The following NOD2 variants were observed in gnomAD, a reference collection of about 807,000 sequenced individuals.
The protein encoded by NOD2 is nucleotide binding oligomerization domain containing 2.
In NOD2, 86 loss-of-function variants were observed where a neutral mutation model predicts 90.9. That is an observed-to-expected ratio of 0.95 (90% CI 0.79 to 1.13). The LOEUF (loss-of-function observed/expected upper bound fraction) is 1.13. Among genes scored for constraint, NOD2 ranks in the 50% most tolerant of loss-of-function variants. The pLI, the probability that NOD2 is intolerant of heterozygous loss-of-function variation, is 0.00. For missense variants in NOD2, 1,238 were observed against 1,283.8 expected, an observed-to-expected ratio of 0.96 and a Z score of 0.55; for synonymous variants, 581 against 554.6, an observed-to-expected ratio of 1.05 and a Z score of -0.67.
intron 1 of NOD2, 121 bp downstream of exon 1, chr16:50,693,783 G>T (rs949488478): frequency 6.6e-6 from 1 of 152,280 alleles, no homozygotes; most frequent in Non-Finnish European, 1.5e-5. Context: ...CTTGGGCAAG[G>T]GTTGCCTCGG....
rs1433384940 is a variant in NOD2, at chr16:50,730,383, C to G, written c.2969+482C>G. 2.0e-5 allele frequency among the ~76,000 whole-genome samples: 3 copies of G among 152,198 alleles called. No homozygotes were observed. In the East Asian group the frequency reaches 5.8e-4, roughly 29 times the overall value. ...GCAAGAATTGCATTCTTGACAGATT[C>G]TTTCATTGCCTTAAAAAGAATGACT... On this transcript the variant is annotated intron_variant, in intron 11 of 11. Coordinates refer to ENST00000647318, the MANE Select transcript of NOD2 (RefSeq NM_001370466.1).
chr16:50,702,799 TGGGAAGCGGC>T (rs1461823830), intron 2 of NOD2, among the ~76,000 whole-genome samples: 1 of 152,246 alleles, frequency 6.6e-6, no homozygotes, highest in Non-Finnish European at 1.5e-5. Flanking sequence ...ATCGCCCATC[TGGGAAGCGGC>T]CCAGCTAGAA....
At chr16:50,730,499 G>A (rs1013112945) in intron 11 of NOD2, among the ~76,000 whole-genome samples, 3 of 152,126 alleles carry the variant, frequency 2.0e-5, no homozygotes, top group African/African-American at 7.2e-5. Flanking sequence ...TTGTTTCCAG[G>A]GATCTATTTC....
In NOD2 at chr16:50,711,141, T is replaced by G; in HGVS notation, c.1149T>G (p.Leu383=). 6.2e-7 allele frequency: 1 copy of G among 1,614,120 alleles called. No homozygotes were observed. ...PTSVQTLLFN[L]LQGNLLKNAR... is the part of the protein sequence containing the mutation. ...CTGTCCAGACCCTGCTCTTCAACCT[T>G]CTGCAGGGCAACCTGCTGAAGAATG... The change falls in exon 4 of 12, where the codon CTT becomes CTG. Residue 383 remains leucine (L), a synonymous_variant. Coordinates refer to ENST00000647318, the MANE Select transcript of NOD2 (RefSeq NM_001370466.1).
chr16:50,719,686 G>T, intron 6 of NOD2: 1 of 651,226 alleles, frequency 1.5e-6, no homozygotes, highest in Non-Finnish European at 2.8e-6. Context: ...CTCCTGCCTG[G>T]AATTGTCACA....
rs578130490 is a variant in NOD2, at chr16:50,724,986, C to G, written c.2802-503C>G. On this transcript the variant is annotated intron_variant, in intron 9 of 11. Transcript: ENST00000647318. The stretch of plus-strand genomic sequence containing the variant: ...TCTCATGATCACAGGATGGCTGCTC[C>G]AGGTGCAGCACTACTTCTGTATTCC... Among the ~76,000 whole-genome samples the G allele has an allele frequency of 1.1e-4, 16 of 152,276 alleles. No individual in the cohort carries two copies. In the South Asian group the frequency reaches 3.3e-3, roughly 32 times the overall value.
At chr16:50,695,556 A>G (rs1293077224) in intron 1 of NOD2, among the ~76,000 whole-genome samples, 1 of 152,104 alleles carries the variant, frequency 6.6e-6, no homozygotes, top group Non-Finnish European at 1.5e-5. Context: ...TCATCACCAT[A>G]TAACTGGTAT....
chr16:50,716,868 T>C, intron 5 of NOD2, 23 bp from the exon 6 acceptor site: 1 of 1,610,998 alleles, frequency 6.2e-7, no homozygotes, highest in African/African-American at 1.3e-5. Context: ...CTTCTGTGTC[T>C]CCTCTCTTCT....
intron 7 of NOD2, 64 bp downstream of exon 7, chr16:50,720,072 G>C (rs1964984580): frequency 2.0e-6 from 3 of 1,477,496 alleles, no homozygotes; most frequent in Non-Finnish European, 2.8e-6. Flanking sequence ...GGATTTAGGG[G>C]CAGGTGAAAC....
chr16:50,696,998 G>A (rs942580685), intron 1 of NOD2: 7 of 578,812 alleles, frequency 1.2e-5, no homozygotes, highest in Non-Finnish European at 6.2e-6. Flanking sequence ...CCCCAGTGGG[G>A]TTTTTCAGTG....
At chr16:50,706,350 A>C (rs890151875) in intron 2 of NOD2, among the ~76,000 whole-genome samples, 3 of 152,202 alleles carry the variant, frequency 2.0e-5, no homozygotes, top group African/African-American at 7.2e-5. Flanking sequence ...TAGGGACGCT[A>C]TTGGGACGTT....
intron 4 of NOD2, among the ~76,000 whole-genome samples, chr16:50,714,985 G>C (rs1936098205): frequency 6.6e-6 from 1 of 152,148 alleles, no homozygotes; most frequent in Non-Finnish European, 1.5e-5. Context: ...GCTCTCTTCT[G>C]TTCTGTTCTA....
intron 7 of NOD2, among the ~76,000 whole-genome samples, chr16:50,720,525 G>T (rs951848976): frequency 6.6e-6 from 1 of 152,158 alleles, no homozygotes; most frequent in East Asian, 1.9e-4. Context: ...CGGAGCTCTT[G>T]CTCCCTGTAG....
rs770963667 is a variant in NOD2, at chr16:50,723,397, G to A, written c.2801+13G>A. On this transcript the variant is annotated intron_variant, in intron 9 of 11. Coordinates refer to ENST00000647318, the MANE Select transcript of NOD2 (RefSeq NM_001370466.1). ...TAGAAGAACTCTGGTGAGTTTGGGGGATTCTCTGCTCTGGGGAAGTGGATC... is the reference window on the plus strand; with the variant it reads ...TAGAAGAACTCTGGTGAGTTTGGGGAATTCTCTGCTCTGGGGAAGTGGATC... 10 of 1,612,268 alleles carry A rather than the reference G, an allele frequency of 6.2e-6. No individual in the cohort carries two copies. The highest frequency in any genetic ancestry group is 8.5e-6 in the Non-Finnish European group (10 of 1,178,504).
intron 11 of NOD2, 48 bp downstream of exon 11, chr16:50,729,949 T>C: frequency 7.0e-7 from 1 of 1,423,508 alleles, no homozygotes; most frequent in Non-Finnish European, 9.9e-7. Flanking sequence ...CCTCAGTTTT[T>C]CTATCTGTAA....
At position 50,707,925 on chromosome 16, in the gene NOD2, A is replaced by G. The variant is rs1964274447; in HGVS notation, c.530A>G (p.Gln177Arg). 1.9e-6 allele frequency: 3 copies of G among 1,613,990 alleles called. No individual in the cohort carries two copies. Among genetic ancestry groups the G allele is most frequent in the Non-Finnish European group, 2.5e-6 (3 of 1,179,844 alleles). Reference sequence around the variant, plus strand: ...GCTGCCTTCCTTCTACAACATGTTCAGGAATTACCAGTCCCATTGGCCCTG... The same window carrying G: ...GCTGCCTTCCTTCTACAACATGTTCGGGAATTACCAGTCCCATTGGCCCTG... ...GLAAFLLQHVQELPVPLALPL... is the reference protein window; with the variant it reads ...GLAAFLLQHVRELPVPLALPL... Residue 177 changes from glutamine to arginine, a missense_variant, in exon 3 of 12, where the codon CAG becomes CGG. Physicochemically the swap from Gln to Arg is conservative, Grantham distance 43. Coordinates refer to ENST00000647318, the MANE Select transcript of NOD2 (RefSeq NM_001370466.1).
chr16:50,698,453 A>G (rs548546997), intron 1 of NOD2, among the ~76,000 whole-genome samples: 1 of 152,336 alleles, frequency 6.6e-6, no homozygotes, highest in African/African-American at 2.4e-5. Context: ...CTTAGTTTGC[A>G]CCGTAATTTT....
At chr16:50,697,482 C>A in intron 1 of NOD2, 1 of 725,382 alleles carries the variant, frequency 1.4e-6, no homozygotes, top group Non-Finnish European at 2.5e-6. Flanking sequence ...AGGACCTGGG[C>A]AGGGTCAATG....
chr16:50,699,721 C>G lies in NOD2; in HGVS notation c.226C>G (p.Leu76Val), dbSNP rs1358340090. Reference protein sequence around the residue: ...WNKGTWACQKLIAAAQEAQAD... With the variant: ...WNKGTWACQKVIAAAQEAQAD... ...TAAGGGTACTTGGGCCTGTCAGAAG[C>G]TCATCGCGGCTGCCCAAGAAGCCCA... The change falls in exon 2 of 12, where the codon CTC (leucine) becomes GTC (valine). Residue 76 changes from leucine (L) to valine (V), a missense_variant. Around this residue, in one of 3 missense-constraint regions of NOD2, gnomAD observed 567 missense variants for 577.3 expected, o/e 0.98. Coordinates refer to ENST00000647318, the MANE Select transcript of NOD2 (RefSeq NM_001370466.1). The G allele has an allele frequency of 6.2e-7, 1 of 1,614,148 alleles. No homozygotes were observed. Among genetic ancestry groups the G allele is most frequent in the Admixed American group, 1.7e-5 (1 of 60,030 alleles).
Sources: allele counts gnomAD v4.1 joint callset (sites outside exome capture counted in the v4.1 genomes callset), GRCh38; gene constraint gnomAD v4.1.1; regional missense constraint gnomAD v4.1.1; transcripts MANE v1.5; gene names NCBI Gene and HGNC (gene_info 2026-07-23, HGNC 2026-07-21).